The following UBAC1 variants were observed in gnomAD, a reference collection of about 807,000 sequenced individuals.
UBAC1 encodes ubiquitin-associated domain-containing protein 1.
Under a neutral mutation model 45.9 loss-of-function variants are expected in UBAC1, and 27 were observed. That is an observed-to-expected ratio of 0.59 (90% CI 0.43 to 0.81). UBAC1 has a LOEUF of 0.81. Ranked by LOEUF, UBAC1 falls within the 30% of genes least tolerant of loss-of-function variation. UBAC1 has a pLI of 0.00. For missense variants in UBAC1, 529 were observed against 539.2 expected (o/e 0.98, Z 0.19); for synonymous variants, 227 against 215.5 (o/e 1.05, Z -0.47).
rs182235202 is a variant in UBAC1 at position 135,950,853 on chromosome 9, G to C, written c.333+2827C>G. ...TCACGCCTGTAATCCCAACACTTGG[G>C]AGACCAAGGTGAACAGACCACCTGA... is the stretch of plus-strand genomic sequence containing the variant. On this transcript the variant is annotated intron_variant, in intron 3 of 9. Coordinates refer to ENST00000371756, the MANE Select transcript of UBAC1 (RefSeq NM_016172.3). Among the ~76,000 whole-genome samples the C allele has an allele frequency of 6.5e-4, 99 of 152,332 alleles. 1 individual carries two copies. Among genetic ancestry groups the C allele is most frequent in the Non-Finnish European group, 5.9e-5 (4 of 68,038 alleles).
chr9:135,956,677 T>C (rs1839470580), intron 1 of UBAC1, among the ~76,000 whole-genome samples: 1 of 152,146 alleles, frequency 6.6e-6, no homozygotes. Context: ...CCAGCCGGAA[T>C]CGTGGGGTGA....
At chr9:135,955,239 C>A in intron 2 of UBAC1, 56 bp downstream of exon 2, 1 of 1,443,318 alleles carries the variant, frequency 6.9e-7, no homozygotes, top group Non-Finnish European at 9.1e-7. Flanking sequence ...CTGGCTCCAG[C>A]GCCCCCAGCA....
At chr9:135,946,221 G>A in intron 5 of UBAC1, 48 bp downstream of exon 5, 1 of 1,366,772 alleles carries the variant, frequency 7.3e-7, no homozygotes, top group Non-Finnish European at 1.0e-6. Context: ...CGCTCCCCAA[G>A]GCCGGCAGTG....
chr9:135,933,813 G>C (rs1839174864), intron 9 of UBAC1, among the ~76,000 whole-genome samples: 1 of 152,088 alleles, frequency 6.6e-6, no homozygotes, highest in South Asian at 2.1e-4. Context: ...CAGCCGCCAG[G>C]GCTCAAAAAT....
chr9:135,950,493 A>G (rs1470862610), intron 3 of UBAC1, among the ~76,000 whole-genome samples: 6 of 152,214 alleles, frequency 3.9e-5, no homozygotes, highest in Non-Finnish European at 8.8e-5. Context: ...CGATAAGCCT[A>G]TAAGAAACTC....
In UBAC1 at chr9:135,939,757, G is replaced by T. The variant is rs764367147; in HGVS notation, c.879C>A (p.Ala293=). 1.9e-6 allele frequency: 3 copies of T among 1,613,066 alleles called. No homozygotes were observed. The highest frequency in any genetic ancestry group is 2.5e-6 in the Non-Finnish European group (3 of 1,179,268). The change falls in exon 8 of 10, where the codon GCC becomes GCA. Residue 293 remains alanine, a splice_region_variant and synonymous_variant. Transcript: ENST00000371756. ...ACCCCATCTCCATCAGGGAAATGAC[G>T]GCCTAGAGGACAGCACAGCCGTTAG... ...RKREFRADAR[A]VISLMEMGFD...
At chr9:135,959,268 C>T (rs919254348) in intron 1 of UBAC1, among the ~76,000 whole-genome samples, 3 of 152,152 alleles carry the variant, frequency 2.0e-5, no homozygotes, top group East Asian at 3.9e-4. Context: ...ACTCTAAGCC[C>T]GGCCCTGGAC....
chr9:135,938,485 C>G, intron 8 of UBAC1, 125 bp from the exon 9 acceptor site: 2 of 1,270,538 alleles, frequency 1.6e-6, no homozygotes, highest in Non-Finnish European at 2.1e-6. Flanking sequence ...CAGGGCTGAT[C>G]TCCCTGGAAG....
chr9:135,942,145 A>G (rs1839276890), intron 7 of UBAC1: 1 of 152,240 alleles, frequency 6.6e-6, no homozygotes, highest in Admixed American at 6.5e-5. Flanking sequence ...ATGGCAAGAA[A>G]GTATATGACT....
chr9:135,946,223 C>A (rs772576192), intron 5 of UBAC1, 46 bp downstream of exon 5: 5 of 1,379,028 alleles, frequency 3.6e-6, no homozygotes, highest in Admixed American at 1.7e-5. Context: ...CTCCCCAAGG[C>A]CGGCAGTGAA....
At chr9:135,935,623 C>T (rs1284450807) in intron 9 of UBAC1, among the ~76,000 whole-genome samples, 1 of 146,924 alleles carries the variant, frequency 6.8e-6, no homozygotes, top group Non-Finnish European at 1.5e-5. Flanking sequence ...CAGATCAAGA[C>T]CCTGTCTCCA....
In UBAC1 at chr9:135,944,912, G is replaced by A. The variant is rs910898186; in HGVS notation, c.876+116C>T. 1.1e-5 allele frequency: 12 copies of A among 1,043,628 alleles called. No homozygotes were observed. In the Admixed American group the frequency reaches 2.8e-4, roughly 24 times the overall value. The allele number at this position is 1,043,628 out of a possible 1,614,324, so 64.6% of individuals were successfully genotyped here. A position where few individuals can be genotyped will look rare whatever the true frequency, so the allele number is the denominator to read the frequency against. On this transcript the variant is annotated intron_variant, in intron 7 of 9. Transcript: ENST00000371756. ...CCCTTCCCCAGCTTCTCTCTCTCCTGGGACAGGAGCCAGCTCAGCCCAAGG... is the reference window on the plus strand; with the variant it reads ...CCCTTCCCCAGCTTCTCTCTCTCCTAGGACAGGAGCCAGCTCAGCCCAAGG...
At chr9:135,946,444 T>G in intron 4 of UBAC1, 73 bp from the exon 5 acceptor site, 1 of 966,642 alleles carries the variant, frequency 1.0e-6, no homozygotes, top group Non-Finnish European at 1.7e-6. Context: ...CTTGCTCCCC[T>G]GTCCTAGAAC....
intron 1 of UBAC1, among the ~76,000 whole-genome samples, chr9:135,960,505 G>A (rs1324178221): frequency 6.6e-6 from 1 of 152,136 alleles, no homozygotes; most frequent in Non-Finnish European, 1.5e-5. Flanking sequence ...CAAGCAGCCG[G>A]CTCTGCGGGA....
At position 135,933,021 on chromosome 9, in the gene UBAC1, T is replaced by C. The variant is rs1588528090; in HGVS notation, c.*379A>G. The C allele has an allele frequency of 1.2e-5, 2 of 170,384 alleles. No homozygotes were observed. Among genetic ancestry groups the C allele is most frequent in the African/African-American group, 4.8e-5 (2 of 42,034 alleles). 10.6% of individuals were successfully genotyped at this position (170,384 alleles called of 1,614,324 possible). The stretch of plus-strand genomic sequence containing the variant: ...GTCATCTGTGAGTGACTAGTTAAAT[T>C]AGCATGCTTGACATTAACTCTGGGT... On this transcript the variant is annotated 3_prime_UTR_variant, in exon 10 of 10. Transcript: ENST00000371756.
intron 7 of UBAC1, 77 bp downstream of exon 7, chr9:135,944,951 C>A (rs1839309120): frequency 3.5e-6 from 5 of 1,441,042 alleles, no homozygotes; most frequent in Admixed American, 3.9e-5. Flanking sequence ...GCCATGCAGC[C>A]CCAGCTTCCT....
intron 9 of UBAC1, among the ~76,000 whole-genome samples, chr9:135,935,425 C>T (rs933994094): frequency 1.2e-4 from 19 of 152,078 alleles, no homozygotes; most frequent in African/African-American, 4.6e-4. Flanking sequence ...GTGGGGGGAG[C>T]GCTTGAAGCC....
chr9:135,950,568 T>G (rs1038606032), intron 3 of UBAC1, among the ~76,000 whole-genome samples: 1 of 149,866 alleles, frequency 6.7e-6, no homozygotes, highest in African/African-American at 2.5e-5. Flanking sequence ...GTAAGAAGGA[T>G]AGATAATCTT....
chr9:135,946,406 T>C (rs763335908), intron 4 of UBAC1, 35 bp from the exon 5 acceptor site: 3 of 1,375,302 alleles, frequency 2.2e-6, no homozygotes, highest in African/African-American at 1.4e-5. Context: ...ATTCTCTAAA[T>C]GTCCACCAAA....
Sources: allele counts gnomAD v4.1 joint callset (sites outside exome capture counted in the v4.1 genomes callset), GRCh38; gene constraint gnomAD v4.1.1; transcripts MANE v1.5; gene names NCBI Gene and HGNC (gene_info 2026-07-23, HGNC 2026-07-21).